RBM25: variants seen among roughly 807,000 people sequenced by gnomAD.
RBM25 encodes the protein RNA binding motif protein 25.
Under a neutral mutation model 120.7 loss-of-function variants are expected in RBM25, and 19 were observed. That is an observed-to-expected ratio of 0.16 (90% CI 0.11 to 0.23). The LOEUF (loss-of-function observed/expected upper bound fraction) is 0.23, where lower values mean the gene tolerates loss of function less well. Among genes scored for constraint, RBM25 ranks in the 10% least tolerant of loss-of-function variants. The probability of loss-of-function intolerance (pLI) is 1.00; values close to 1 mark genes in which losing one functional copy is unlikely to be tolerated. For synonymous variants in RBM25, 390 were observed against 326.7 expected (o/e 1.19, Z -2.09); for missense variants, 605 against 1,041.5 (o/e 0.58, Z 5.77).
intron 12 of RBM25, among the ~76,000 whole-genome samples, 200 bp downstream of exon 12, chr14:73,106,485 T>C (rs1376602492): frequency 6.6e-6 from 1 of 152,196 alleles, no homozygotes; most frequent in Non-Finnish European, 1.5e-5. Context: ...TTGCTGCATC[T>C]AAAGTTATCT....
intron 3 of RBM25, among the ~76,000 whole-genome samples, chr14:73,076,966 A>T (rs1364398290): frequency 6.6e-6 from 1 of 152,232 alleles, no homozygotes; most frequent in African/African-American, 2.4e-5. Context: ...CTGTAATCTC[A>T]GCTACTCGGG....
intron 6 of RBM25, chr14:73,088,410 T>G (rs1450030645): frequency 5.0e-6 from 3 of 603,022 alleles, no homozygotes; most frequent in Non-Finnish European, 9.3e-6. Flanking sequence ...CAAGGTTAAC[T>G]TGCCAGAGAA....
intron 18 of RBM25, among the ~76,000 whole-genome samples, chr14:73,115,600 G>A (rs1896411532): frequency 6.6e-6 from 1 of 152,156 alleles, no homozygotes; most frequent in Non-Finnish European, 1.5e-5. Flanking sequence ...AATCCCCGTT[G>A]CATTTAATTT....
At chr14:73,104,140 C>T (rs973799903) in intron 10 of RBM25, among the ~76,000 whole-genome samples, 19 of 151,978 alleles carry the variant, frequency 1.3e-4, no homozygotes, top group African/African-American at 4.1e-4. Flanking sequence ...TCCTTGGGTC[C>T]GTGGGCATTT....
At chr14:73,077,585 A>G (rs774200803) in intron 4 of RBM25, 49 bp downstream of exon 4, 4 of 1,450,170 alleles carry the variant, frequency 2.8e-6, no homozygotes, top group Non-Finnish European at 3.7e-6. Flanking sequence ...ATCATTCTAC[A>G]TTTCAAACTT....
chr14:73,063,939 A>G (rs1046610030), intron 1 of RBM25, among the ~76,000 whole-genome samples: 7 of 151,510 alleles, frequency 4.6e-5, no homozygotes, highest in Admixed American at 1.3e-4. Flanking sequence ...TGCTCCAGTC[A>G]TACTGTTGGC....
At chr14:73,062,546 T>TC (rs2140418715) in intron 1 of RBM25, among the ~76,000 whole-genome samples, 1 of 151,610 alleles carries the variant, frequency 6.6e-6, no homozygotes, top group Non-Finnish European at 1.5e-5. Context: ...AGCAGTGTTT[T>TC]GCTGTATTTT....
intron 14 of RBM25, among the ~76,000 whole-genome samples, chr14:73,110,617 CAG>C (rs1896291738): frequency 6.6e-6 from 1 of 151,894 alleles, no homozygotes; most frequent in Non-Finnish European, 1.5e-5. Context: ...TCAGTAAAGA[CAG>C]CGTTTCACCA....
intron 4 of RBM25, among the ~76,000 whole-genome samples, chr14:73,078,089 G>T (rs1159543415): frequency 6.6e-6 from 1 of 152,040 alleles, no homozygotes; most frequent in Non-Finnish European, 1.5e-5. Flanking sequence ...GATCATTTGT[G>T]GTCAGGAGTT....
intron 10 of RBM25, among the ~76,000 whole-genome samples, chr14:73,105,281 C>CAGG (rs1433668311): frequency 6.6e-6 from 1 of 152,018 alleles, no homozygotes; most frequent in Non-Finnish European, 1.5e-5. Context: ...TGGCCTCAAG[C>CAGG]AGGCCTCCTA....
chr14:73,099,939 C>A, intron 9 of RBM25, 189 bp downstream of exon 9: 1 of 917,620 alleles, frequency 1.1e-6, no homozygotes, highest in Non-Finnish European at 1.5e-6. Context: ...ACATGTTGTG[C>A]TTAGTTTTTT....
Position 73,109,500 on chromosome 14 carries a change from A to G in RBM25, c.1692+8A>G. ...GATGCAGAGCTCCAGAGGGTAAGAT[A>G]CTGTACCATCTGGTCGGGCGCGGTG... is the stretch of plus-strand genomic sequence containing the variant. On this transcript the variant is annotated splice_region_variant and intron_variant, in intron 14 of 18. Coordinates refer to ENST00000261973, the MANE Select transcript of RBM25 (RefSeq NM_021239.3). The G allele has an allele frequency of 6.2e-7, 1 of 1,611,656 alleles. No homozygotes were observed. The highest frequency in any genetic ancestry group is 1.3e-5 in the African/African-American group (1 of 74,866).
intron 5 of RBM25, among the ~76,000 whole-genome samples, chr14:73,086,841 A>G (rs1473854703): frequency 6.6e-6 from 1 of 152,036 alleles, no homozygotes. Flanking sequence ...AGTAGCTGGG[A>G]CTACAGGCAT....
At position 73,097,202 on chromosome 14, in the gene RBM25, T is replaced by C. The variant is rs1229507247; in HGVS notation, c.729+102T>C. On this transcript the variant is annotated intron_variant, in intron 7 of 18. Coordinates refer to ENST00000261973, the MANE Select transcript of RBM25 (RefSeq NM_021239.3). Reference sequence around the variant, plus strand: ...CAGTTTTCTTTTTTCTTTTCTTTTTTTTTTTTTTTTTTTTTTGAGATGGAG... The same window carrying C: ...CAGTTTTCTTTTTTCTTTTCTTTTTCTTTTTTTTTTTTTTTTGAGATGGAG... 1.8e-3 allele frequency: 1,288 copies of C among 699,530 alleles called. 55 individuals are homozygous for C. In the African/African-American group the frequency reaches 0.02, roughly 11 times the overall value. The allele number at this position is 699,530 out of a possible 1,614,324, so 43.3% of individuals were successfully genotyped here. A position where few individuals can be genotyped will look rare whatever the true frequency, so the allele number is the denominator to read the frequency against.
chr14:73,094,136 G>GT (rs1398742805), intron 6 of RBM25, among the ~76,000 whole-genome samples: 1 of 151,102 alleles, frequency 6.6e-6, no homozygotes, highest in African/African-American at 2.4e-5. Context: ...TGTATTTTTG[G>GT]TAGAGACGGG....
chr14:73,112,176 C>T lies in RBM25; in HGVS notation c.2317C>T (p.Pro773Ser), dbSNP rs1896322951. ...DSILMERRIR[P>S]WINKKIIEYI... ...GATACTGATGGAACGTCGAATTAGA[C>T]CATGGATTAATAAGAAAATCATAGA... The change falls in exon 17 of 19, where the codon CCA becomes TCA. Residue 773 changes from proline (P) to serine (S), a missense_variant. Pro to Ser is a moderately conservative substitution (Grantham distance 74). Around this residue, in one of 4 missense-constraint regions of RBM25, gnomAD observed 465 missense variants for 741.6 expected, o/e 0.63. Transcript: ENST00000261973. 6.2e-7 allele frequency: 1 copy of T among 1,605,514 alleles called. No individual in the cohort carries two copies. Among genetic ancestry groups the T allele is most frequent in the Non-Finnish European group, 8.5e-7 (1 of 1,178,044 alleles).
intron 17 of RBM25, 124 bp from the exon 18 acceptor site, chr14:73,114,162 A>G (rs1896374511): frequency 1.5e-6 from 1 of 667,036 alleles, no homozygotes. Context: ...TAAAACATTT[A>G]TAGAATGGTT....
chr14:73,110,709 A>G lies in RBM25; in HGVS notation c.1693-122A>G, dbSNP rs928802304. 4 of 1,227,158 alleles carry G rather than the reference A, an allele frequency of 3.3e-6. No individual in the cohort carries two copies. The South Asian group carries it at 4.9e-5, about 15-fold the overall frequency. 76.0% of individuals were successfully genotyped at this position (1,227,158 alleles called of 1,614,324 possible). The stretch of plus-strand genomic sequence containing the variant: ...CTCCCAAAGTGCTGGGATTACAGGC[A>G]TGAGCCACCATACCTGGCCTTTTCT... On this transcript the variant is annotated intron_variant, in intron 14 of 18. Transcript: ENST00000261973.
At chr14:73,060,025 T>C (rs529370506) in intron 1 of RBM25, among the ~76,000 whole-genome samples, 2 of 147,284 alleles carry the variant, frequency 1.4e-5, no homozygotes, top group East Asian at 3.9e-4. Context: ...GACTCTGTAA[T>C]TTTTTTTTTT....
Sources: gnomAD v4.1 joint callset for allele counts (sites outside exome capture counted in the v4.1 genomes callset) on GRCh38, gnomAD v4.1.1 for gene constraint, gnomAD v4.1.1 regional missense constraint, MANE v1.5 for transcripts, NCBI Gene and HGNC (gene_info 2026-07-23, HGNC 2026-07-21) for gene names.